The following MAGT1 variants were observed in gnomAD, a reference collection of about 807,000 sequenced individuals.
MAGT1 encodes magnesium transporter 1, also known as dolichyl-diphosphooligosaccharide--protein glycosyltransferase subunit MAGT1.
Under a neutral mutation model 28.4 loss-of-function variants are expected in MAGT1, and 4 were observed. That is an observed-to-expected ratio of 0.14 (90% confidence interval 0.07 to 0.32). The LOEUF (loss-of-function observed/expected upper bound fraction) is 0.32. Ranked by LOEUF, MAGT1 falls within the 10% of genes least tolerant of loss-of-function variation. The pLI is 1.00. For synonymous variants in MAGT1, 89 were observed against 89.7 expected (o/e 0.99, Z 0.04); for missense variants, 193 against 264.5 (o/e 0.73, Z 1.88).
At position 77,876,474 on chromosome X, in the gene MAGT1, A is replaced by G. The variant is rs146069030; in HGVS notation, c.103-877T>C. Among the ~76,000 whole-genome samples the G allele has an allele frequency of 4.5e-3, 499 of 110,197 alleles. 13 individuals carry two copies. Among genetic ancestry groups the G allele is most frequent in the East Asian group, 0.035 (121 of 3,497 alleles). ...AATAAAGAGTAAAGTGGGAGGAATC[A>G]CTCTATTCAATTTTAAGGTTTACTA... On this transcript the variant is annotated intron_variant, in intron 1 of 9. Coordinates refer to ENST00000618282, the MANE Select transcript of MAGT1 (RefSeq NM_001367916.1).
intron 7 of MAGT1, among the ~76,000 whole-genome samples, chrX:77,851,659 G>T: frequency 9.2e-6 from 1 of 108,623 alleles, no homozygotes; most frequent in East Asian, 2.9e-4. Context: ...CAGGTGTGAG[G>T]CAGCACGCCT....
At chrX:77,841,981 C>T (rs972422783) in intron 7 of MAGT1, among the ~76,000 whole-genome samples, 1 of 107,758 alleles carries the variant, frequency 9.3e-6, no homozygotes, top group African/African-American at 3.4e-5. Context: ...TGAATGACCA[C>T]GCCCAGCCCT....
chrX:77,872,926 G>C (rs2077024024), intron 2 of MAGT1, among the ~76,000 whole-genome samples: 1 of 111,763 alleles, frequency 8.9e-6, no homozygotes, highest in South Asian at 3.7e-4. Flanking sequence ...TTTATTTGTT[G>C]AATGAGTGTA....
intron 7 of MAGT1, among the ~76,000 whole-genome samples, chrX:77,841,548 ATATTT>A (rs1179003435): frequency 1.8e-5 from 2 of 112,185 alleles, no homozygotes; most frequent in Non-Finnish European, 3.8e-5. Context: ...AGAAAAATTG[ATATTT>A]TAAACAAATG....
intron 1 of MAGT1, among the ~76,000 whole-genome samples, chrX:77,892,731 A>G (rs2077086649): frequency 9.0e-6 from 1 of 110,889 alleles, no homozygotes; most frequent in African/African-American, 3.3e-5. Context: ...TGAGGTCATA[A>G]GGCTGTACTG....
At chrX:77,863,702 C>G (rs1557216640) in intron 3 of MAGT1, among the ~76,000 whole-genome samples, 1 of 111,552 alleles carries the variant, frequency 9.0e-6, no homozygotes, top group East Asian at 2.8e-4. Context: ...AAGCATCCAT[C>G]AACAGACGAA....
chrX:77,839,397 G>A (rs2076928722), intron 8 of MAGT1, among the ~76,000 whole-genome samples: 1 of 104,604 alleles, frequency 9.6e-6, no homozygotes, highest in African/African-American at 3.5e-5. Flanking sequence ...AGGCTGGAAT[G>A]CAATGGCACG....
intron 3 of MAGT1, among the ~76,000 whole-genome samples, chrX:77,867,939 T>C: frequency 1.5e-5 from 1 of 67,053 alleles, no homozygotes; most frequent in African/African-American, 3.5e-5. Context: ...GACAGAGCGC[T>C]AAATGGAAGG....
chrX:77,829,320 A>G, intron 9 of MAGT1, 85 bp from the exon 10 acceptor site: 2 of 841,779 alleles, frequency 2.4e-6, no homozygotes, highest in Non-Finnish European at 3.5e-6. Context: ...TGTTGGTTTT[A>G]ACAGATAAAA....
intron 7 of MAGT1, among the ~76,000 whole-genome samples, chrX:77,845,553 C>G (rs782719125): frequency 6.3e-5 from 7 of 111,843 alleles, no homozygotes; most frequent in Admixed American, 2.9e-4. Context: ...TACAATTTGG[C>G]ATGTTTTTGC....
At chrX:77,869,712 C>CAA (rs781967181) in intron 3 of MAGT1, among the ~76,000 whole-genome samples, 1 of 85,060 alleles carries the variant, frequency 1.2e-5, no homozygotes, top group South Asian at 5.1e-4. Context: ...ATAATTAAAG[C>CAA]AAAAAAAAAA....
intron 7 of MAGT1, among the ~76,000 whole-genome samples, chrX:77,845,306 C>T (rs2076948117): frequency 9.0e-6 from 1 of 111,409 alleles, no homozygotes; most frequent in South Asian, 3.8e-4. Context: ...GATCTTCCTC[C>T]ATCCCTTTAT....
chrX:77,847,415 C>T (rs1557215104), intron 7 of MAGT1, among the ~76,000 whole-genome samples: 4 of 111,893 alleles, frequency 3.6e-5, no homozygotes, highest in Admixed American at 9.5e-5. Flanking sequence ...CTTCGGTTCA[C>T]GCTCAGTGCG....
At chrX:77,876,093 A>G (rs1290979990) in intron 1 of MAGT1, among the ~76,000 whole-genome samples, 5 of 96,308 alleles carry the variant, frequency 5.2e-5, no homozygotes, top group Non-Finnish European at 1.0e-4. Flanking sequence ...AGCTACCGAC[A>G]GTGCTGGGAT....
chrX:77,861,993 C>G (rs977655000), intron 3 of MAGT1, among the ~76,000 whole-genome samples: 2 of 111,143 alleles, frequency 1.8e-5, no homozygotes, highest in Non-Finnish European at 3.8e-5. Flanking sequence ...GTGAATGTAT[C>G]TAGCACTACT....
chrX:77,845,768 A>C (rs2076949768), intron 7 of MAGT1, among the ~76,000 whole-genome samples: 2 of 111,450 alleles, frequency 1.8e-5, no homozygotes, highest in Non-Finnish European at 3.8e-5. Flanking sequence ...TTTGGCCCCC[A>C]CTCTCTTCTG....
chrX:77,861,576 G>T (rs1466015046), intron 3 of MAGT1, among the ~76,000 whole-genome samples: 1 of 112,121 alleles, frequency 8.9e-6, no homozygotes, highest in Non-Finnish European at 1.9e-5. Context: ...TGAAAGCAGG[G>T]TCTTGAAGAG....
chrX:77,864,856 T>G (rs1480543580), intron 3 of MAGT1, among the ~76,000 whole-genome samples: 1 of 110,281 alleles, frequency 9.1e-6, no homozygotes, highest in Non-Finnish European at 1.9e-5. Context: ...GGATTACAGG[T>G]GCCCGACACC....
intron 3 of MAGT1, among the ~76,000 whole-genome samples, chrX:77,859,811 G>C (rs2076990117): frequency 9.1e-6 from 1 of 110,434 alleles, no homozygotes; most frequent in African/African-American, 3.3e-5. Flanking sequence ...AGGTTGCAGT[G>C]AGCTGAGATT....
Sources: allele counts gnomAD v4.1 joint callset (sites outside exome capture counted in the v4.1 genomes callset), GRCh38; gene constraint gnomAD v4.1.1; transcripts MANE v1.5; gene names NCBI Gene and HGNC (gene_info 2026-07-23, HGNC 2026-07-21).